Variants in ESRRG observed in about 807,000 individuals in gnomAD.
ESRRG encodes the protein estrogen-related receptor gamma.
Under a neutral mutation model 44.0 loss-of-function variants are expected in ESRRG, and 13 were observed. The ratio of observed to expected loss-of-function variants is 0.30; its 90% CI spans 0.19 to 0.47. ESRRG has a LOEUF of 0.47. Among genes scored for constraint, ESRRG ranks in the 20% least tolerant of loss-of-function variants. The probability of loss-of-function intolerance (pLI) is 1.00; values close to 1 mark genes in which losing one functional copy is unlikely to be tolerated. For synonymous variants in ESRRG, 215 were observed against 214.6 expected, an observed-to-expected ratio of 1.00 and a Z score of -0.02; for missense variants, 395 against 580.6, an observed-to-expected ratio of 0.68 and a Z score of 3.29.
intron 1 of ESRRG, among the ~76,000 whole-genome samples, chr1:216,955,624 G>A (rs1205818245): frequency 6.6e-6 from 1 of 152,060 alleles, no homozygotes; most frequent in African/African-American, 2.4e-5. Flanking sequence ...CCTCCATGCT[G>A]TTCACCATAG....
intron 1 of ESRRG, among the ~76,000 whole-genome samples, chr1:217,131,408 T>C (rs2092963967): frequency 2.0e-5 from 3 of 152,078 alleles, no homozygotes; most frequent in Admixed American, 6.5e-5. Flanking sequence ...CAAGCATGTA[T>C]CTAACTCAGG....
intron 2 of ESRRG, among the ~76,000 whole-genome samples, chr1:216,786,146 G>C (rs2147983392): frequency 6.6e-6 from 1 of 152,210 alleles, no homozygotes; most frequent in Admixed American, 6.6e-5. Context: ...AATGGGATGT[G>C]AGAGGCCCAG....
intron 2 of ESRRG, among the ~76,000 whole-genome samples, chr1:216,793,855 G>A (rs2094397405): frequency 6.6e-6 from 1 of 151,976 alleles, no homozygotes; most frequent in Admixed American, 6.6e-5. Flanking sequence ...GGACATAACA[G>A]ATCCAATAAC....
intron 2 of ESRRG, among the ~76,000 whole-genome samples, chr1:216,676,037 TG>T: frequency 6.6e-6 from 1 of 152,318 alleles, no homozygotes; most frequent in South Asian, 2.1e-4. Flanking sequence ...TGTCCATAAC[TG>T]GTTGTTAGGA....
At chr1:217,084,133 TAAA>T (rs34135419) in intron 1 of ESRRG, among the ~76,000 whole-genome samples, 24,001 of 140,970 alleles carry the variant, frequency 0.17, 2,206 homozygotes, top group Admixed American at 0.23. Context: ...AAGAATGGAT[TAAA>T]AAAAAAAAAA....
chr1:216,761,601 A>C (rs898798603), intron 2 of ESRRG, among the ~76,000 whole-genome samples: 9 of 152,298 alleles, frequency 5.9e-5, no homozygotes, highest in Admixed American at 2.0e-4. Context: ...TATCTAAAGA[A>C]TACAACAATT....
chr1:216,766,588 A>C (rs938160317), intron 2 of ESRRG, among the ~76,000 whole-genome samples: 8 of 152,292 alleles, frequency 5.3e-5, no homozygotes, highest in African/African-American at 1.9e-4. Flanking sequence ...GTGCTAAAAA[A>C]AAAAATATCT....
intron 1 of ESRRG, among the ~76,000 whole-genome samples, chr1:217,125,261 T>C (rs979083890): frequency 6.6e-6 from 1 of 152,222 alleles, no homozygotes; most frequent in African/African-American, 2.4e-5. Flanking sequence ...TGGAGTATCC[T>C]GTACAGCACT....
intron 2 of ESRRG, among the ~76,000 whole-genome samples, chr1:216,913,381 G>T (rs985624413): frequency 3.0e-4 from 45 of 152,164 alleles, no homozygotes; most frequent in African/African-American, 1.0e-3. Flanking sequence ...TTTCGGTCGG[G>T]GGTGGGGGTG....
At chr1:216,958,958 A>G (rs1197878541) in intron 1 of ESRRG, among the ~76,000 whole-genome samples, 2 of 152,114 alleles carry the variant, frequency 1.3e-5, no homozygotes, top group Admixed American at 1.3e-4. Context: ...AGCATTCCCT[A>G]TTCCCTTTAT....
intron 3 of ESRRG, among the ~76,000 whole-genome samples, chr1:216,613,764 T>G (rs1034122793): frequency 6.6e-6 from 1 of 152,232 alleles, no homozygotes; most frequent in Non-Finnish European, 1.5e-5. Context: ...CTTTTTCTTC[T>G]CTTGAAGCCA....
chr1:216,794,663 T>G (rs1192681394), intron 2 of ESRRG, among the ~76,000 whole-genome samples: 2 of 152,200 alleles, frequency 1.3e-5, no homozygotes, highest in Non-Finnish European at 2.9e-5. Context: ...TGATCTCCTC[T>G]GGGAGAGAGT....
At chr1:216,869,851 C>T (rs776452115) in intron 2 of ESRRG, among the ~76,000 whole-genome samples, 3 of 151,836 alleles carry the variant, frequency 2.0e-5, no homozygotes, top group East Asian at 1.9e-4. Flanking sequence ...TCCAATTGTA[C>T]ATTGCTAGTA....
intron 2 of ESRRG, among the ~76,000 whole-genome samples, chr1:216,916,394 C>T (rs2061169798): frequency 6.6e-6 from 1 of 152,202 alleles, no homozygotes; most frequent in African/African-American, 2.4e-5. Flanking sequence ...CCTGTCAGTG[C>T]TAACTTTACA....
At chr1:216,638,200 C>G (rs2065683824) in intron 3 of ESRRG, among the ~76,000 whole-genome samples, 1 of 152,120 alleles carries the variant, frequency 6.6e-6, no homozygotes, top group African/African-American at 2.4e-5. Context: ...CTGTCATTTA[C>G]CAGATGCTGT....
intron 2 of ESRRG, among the ~76,000 whole-genome samples, chr1:216,731,209 A>G (rs1425156081): frequency 1.3e-5 from 2 of 152,220 alleles, no homozygotes; most frequent in Non-Finnish European, 2.9e-5. Context: ...TAAGGATTTT[A>G]AGTACTTTTC....
intron 1 of ESRRG, among the ~76,000 whole-genome samples, chr1:216,975,224 A>T (rs944165804): frequency 3.9e-5 from 6 of 152,348 alleles, no homozygotes; most frequent in Admixed American, 6.5e-5. Context: ...AGATTGCTTT[A>T]TCAGCCAAGG....
At chr1:216,646,041 T>A (rs947779119) in intron 3 of ESRRG, among the ~76,000 whole-genome samples, 1 of 152,096 alleles carries the variant, frequency 6.6e-6, no homozygotes, top group Non-Finnish European at 1.5e-5. Flanking sequence ...CTCTTCCTTT[T>A]CCTTTCAAGA....
intron 1 of ESRRG, among the ~76,000 whole-genome samples, chr1:216,960,239 A>C (rs1431365857): frequency 2.6e-5 from 4 of 152,166 alleles, no homozygotes; most frequent in African/African-American, 9.7e-5. Context: ...GACTACATGT[A>C]TATCATATAT....
Sources: gnomAD v4.1 joint callset for allele counts (sites outside exome capture counted in the v4.1 genomes callset) on GRCh38, gnomAD v4.1.1 for gene constraint, MANE v1.5 for transcripts, NCBI Gene and HGNC (gene_info 2026-07-23, HGNC 2026-07-21) for gene names.